Variants in GABBR2 observed in about 807,000 individuals in gnomAD.
The protein encoded by GABBR2 is G-protein coupled receptor 51.
Under a neutral mutation model 105.6 loss-of-function variants are expected in GABBR2, and 23 were observed. That is an observed-to-expected ratio of 0.22 (90% CI 0.16 to 0.31). GABBR2 has a LOEUF of 0.31. GABBR2 is among the 10% of genes least tolerant of loss of function. The pLI, the probability that GABBR2 is intolerant of heterozygous loss-of-function variation, is 1.00. For synonymous variants in GABBR2, 478 were observed against 499.7 expected (o/e 0.96, Z 0.58); for missense variants, 734 against 1,245.5 (o/e 0.59, Z 6.18).
chr9:98,690,760 C>A (rs1304559967), intron 1 of GABBR2, among the ~76,000 whole-genome samples: 1 of 152,200 alleles, frequency 6.6e-6, no homozygotes, highest in African/African-American at 2.4e-5. Flanking sequence ...AGACCAGATA[C>A]CCTGCCACAC....
At chr9:98,670,867 T>C (rs990001152) in intron 1 of GABBR2, among the ~76,000 whole-genome samples, 1 of 152,040 alleles carries the variant, frequency 6.6e-6, no homozygotes, top group Non-Finnish European at 1.5e-5. Context: ...GGATACAGAG[T>C]TCAGTTTTAC....
At chr9:98,607,166 G>A in intron 1 of GABBR2, 1 of 1,609,884 alleles carries the variant, frequency 6.2e-7, no homozygotes, top group Non-Finnish European at 8.5e-7. Flanking sequence ...CACAATAGTT[G>A]ATACCCCAGG....
chr9:98,301,393 G>A (rs1436221376), intron 16 of GABBR2, among the ~76,000 whole-genome samples: 3 of 152,350 alleles, frequency 2.0e-5, no homozygotes, highest in East Asian at 1.9e-4. Context: ...AGTCTTCTGC[G>A]TTGACTGTTG....
rs771303727 is a variant in GABBR2, at chr9:98,290,682, C to T, written c.2728G>A (p.Val910Met). 35 of 1,477,258 alleles carry T rather than the reference C, an allele frequency of 2.4e-5. No homozygotes were observed. Among genetic ancestry groups the T allele is most frequent in the African/African-American group, 4.4e-5 (3 of 67,534 alleles). 91.5% of individuals were successfully genotyped at this position (1,477,258 alleles called of 1,614,324 possible). A position where few individuals can be genotyped will look rare whatever the true frequency, so the allele number is the denominator to read the frequency against. The change falls in exon 19 of 19, where the codon GTG (valine) becomes ATG (methionine). Residue 910 changes from valine to methionine, a missense_variant. Val to Met is a conservative substitution (Grantham distance 21, BLOSUM62 1). Around this residue, in one of 7 missense-constraint regions of GABBR2, gnomAD observed 134 missense variants for 171.2 expected, o/e 0.78. Transcript: ENST00000259455. ...CAGGGGCTGACACAGCTGGCGTCCA[C>T]GCCTCCGATGGATGGGAGGTAGGCG... Reference protein sequence around the residue: ...HHAYLPSIGGVDASCVSPCVS... With the variant: ...HHAYLPSIGGMDASCVSPCVS...
At position 98,503,667 on chromosome 9, in the gene GABBR2, G is replaced by A. The variant is rs533039410; in HGVS notation, c.631-7153C>T. 3.9e-5 allele frequency among the ~76,000 whole-genome samples: 6 copies of A among 152,264 alleles called. No individual in the cohort carries two copies. The South Asian group carries it at 6.2e-4, about 16-fold the overall frequency. ...GCTGTGCAACAAATTATCCCAAAAC[G>A]TAGCAGCTTAACCAATACACATCCA... On this transcript the variant is annotated intron_variant, in intron 3 of 18. Transcript: ENST00000259455.
At chr9:98,540,732 C>G (rs568602365) in intron 3 of GABBR2, among the ~76,000 whole-genome samples, 9 of 152,202 alleles carry the variant, frequency 5.9e-5, no homozygotes, top group Non-Finnish European at 1.3e-4. Context: ...GCTAAGAACA[C>G]TTGGTTTGTC....
chr9:98,324,187 G>A (rs1165097592), intron 13 of GABBR2, among the ~76,000 whole-genome samples: 1 of 152,182 alleles, frequency 6.6e-6, no homozygotes, highest in African/African-American at 2.4e-5. Context: ...CTGATTCTGG[G>A]ACTCCCAGCT....
intron 14 of GABBR2, among the ~76,000 whole-genome samples, chr9:98,310,499 C>T (rs1337201144): frequency 3.9e-5 from 6 of 152,098 alleles, no homozygotes; most frequent in East Asian, 1.9e-4. Flanking sequence ...CCACCCACCT[C>T]GGCCTCTCAA....
chr9:98,354,814 G>A (rs956484824), intron 13 of GABBR2, among the ~76,000 whole-genome samples: 1 of 152,172 alleles, frequency 6.6e-6, no homozygotes, highest in Admixed American at 6.5e-5. Flanking sequence ...TATCATTCAT[G>A]TGTTCACTGA....
intron 1 of GABBR2, among the ~76,000 whole-genome samples, chr9:98,600,147 G>GC (rs1829304667): frequency 6.6e-6 from 1 of 152,122 alleles, no homozygotes; most frequent in Non-Finnish European, 1.5e-5. Flanking sequence ...GGGCTGTGCA[G>GC]CCCCCCAAAT....
At chr9:98,392,854 T>C (rs929698582) in intron 9 of GABBR2, among the ~76,000 whole-genome samples, 3 of 152,070 alleles carry the variant, frequency 2.0e-5, no homozygotes, top group Admixed American at 2.0e-4. Flanking sequence ...TACATCTATC[T>C]ATCCACTACC....
Position 98,380,710 on chromosome 9 carries a change from C to T in GABBR2, c.1662+4930G>A, listed in dbSNP as rs552344408. Among the ~76,000 whole-genome samples the T allele has an allele frequency of 2.0e-5, 3 of 152,298 alleles. No individual in the cohort carries two copies. In the South Asian group the frequency reaches 6.2e-4, roughly 32 times the overall value. On this transcript the variant is annotated intron_variant, in intron 11 of 18. Coordinates refer to ENST00000259455, the MANE Select transcript of GABBR2 (RefSeq NM_005458.8). The stretch of plus-strand genomic sequence containing the variant: ...AGTCTGGGAAGATTCTGGAAAGGGT[C>T]AGAGGGAGTGGGGGATGGGAACTAA...
intron 2 of GABBR2, among the ~76,000 whole-genome samples, chr9:98,562,024 CCATAGATTACTT>C (rs1346634181): frequency 7.2e-5 from 11 of 152,084 alleles, no homozygotes; most frequent in African/African-American, 2.4e-4. Context: ...GCGTTTCACC[CCATAGATTACTT>C]CATAATTACA....
chr9:98,424,644 C>G (rs1832842029), intron 7 of GABBR2, among the ~76,000 whole-genome samples: 1 of 149,388 alleles, frequency 6.7e-6, no homozygotes, highest in African/African-American at 2.4e-5. Flanking sequence ...TCTCAGGATA[C>G]AAAATCAATG....
At chr9:98,394,279 C>T (rs1328629370) in intron 8 of GABBR2, 24 bp from the exon 9 acceptor site, 3 of 1,556,556 alleles carry the variant, frequency 1.9e-6, no homozygotes, top group African/African-American at 1.4e-5. Context: ...AAGACAGTGG[C>T]CAGTTAGACT....
In GABBR2 at chr9:98,441,844, C is replaced by T. The variant is rs759715258; in HGVS notation, c.1236+12137G>A. Among the ~76,000 whole-genome samples, 34 of 152,004 alleles carry T rather than the reference C, an allele frequency of 2.2e-4. 2 individuals are homozygous for T. The South Asian group carries it at 3.9e-3, about 18-fold the overall frequency. ...ACATATTTTATCACAATTTAAAAAA[C>T]GATAGGGTTAAGAAGATTGAGAACC... is the stretch of plus-strand genomic sequence containing the variant. On this transcript the variant is annotated intron_variant, in intron 7 of 18. Transcript: ENST00000259455.
chr9:98,325,283 CTTTT>C (rs886288539), intron 13 of GABBR2, among the ~76,000 whole-genome samples: 2 of 67,618 alleles, frequency 3.0e-5, no homozygotes, highest in African/African-American at 1.3e-4. Flanking sequence ...GACAGCAATT[CTTTT>C]TTTTTTTTTT....
chr9:98,553,728 C>A (rs560569844), intron 2 of GABBR2, among the ~76,000 whole-genome samples: 7 of 152,318 alleles, frequency 4.6e-5, no homozygotes, highest in African/African-American at 1.7e-4. Flanking sequence ...ACTTAATGTG[C>A]AAAACAACCC....
intron 1 of GABBR2, among the ~76,000 whole-genome samples, chr9:98,688,491 T>TTCAA (rs1564152128): frequency 6.6e-6 from 1 of 151,756 alleles, no homozygotes; most frequent in African/African-American, 2.4e-5. Flanking sequence ...GGTTTGGAGT[T>TTCAA]TCAACAATTA....
Sources: gnomAD v4.1 joint callset for allele counts (sites outside exome capture counted in the v4.1 genomes callset) on GRCh38, gnomAD v4.1.1 for gene constraint, gnomAD v4.1.1 regional missense constraint, MANE v1.5 for transcripts, NCBI Gene and HGNC (gene_info 2026-07-23, HGNC 2026-07-21) for gene names.